The following GLRX5 variants were observed in gnomAD, a reference collection of about 807,000 sequenced individuals.
GLRX5 encodes glutaredoxin 5.
GLRX5 carries 10 observed loss-of-function variants against 13.8 expected under a neutral mutation model. That is an observed-to-expected ratio of 0.72 (90% confidence interval 0.45 to 1.23). GLRX5 has a LOEUF of 1.23. Among genes scored for constraint, GLRX5 ranks in the 50% most tolerant of loss-of-function variants. The probability of loss-of-function intolerance (pLI) is 0.00; values close to 1 mark genes in which losing one functional copy is unlikely to be tolerated. For synonymous variants in GLRX5, 98 were observed against 101.1 expected (o/e 0.97, Z 0.18); for missense variants, 233 against 215.2 (o/e 1.08, Z -0.52).
rs760533176 is a variant in GLRX5, at chr14:95,535,302, C to T, written c.213C>T (p.Asn71=). The part of the protein sequence containing the change: ...TPEQPQCGFS[N]AVVQILRLHG... ...AGCAGCCCCAGTGCGGCTTCAGCAA[C>T]GCCGTGGTGCAGATCCTGCGGCTGC... is the stretch of plus-strand genomic sequence containing the variant. The change falls in exon 1 of 2, where the codon AAC becomes AAT. Residue 71 remains asparagine (N), a synonymous_variant. Coordinates refer to ENST00000331334, the MANE Select transcript of GLRX5 (RefSeq NM_016417.3). 1.3e-5 allele frequency: 21 copies of T among 1,561,208 alleles called. No homozygotes were observed. The highest frequency in any genetic ancestry group is 1.8e-5 in the Non-Finnish European group (21 of 1,153,230).
chr14:95,544,454 T>G lies in GLRX5; in HGVS notation c.*329T>G, dbSNP rs957054149. ...TTGGAATCATTATTCATGACCCCTC[T>G]GCAAATGTGTCAGTCTCCAAAGAGA... On this transcript the variant is annotated 3_prime_UTR_variant, in exon 2 of 2. Coordinates refer to ENST00000331334, the MANE Select transcript of GLRX5 (RefSeq NM_016417.3). 1.5e-5 allele frequency: 4 copies of G among 275,016 alleles called. No individual in the cohort carries two copies. The highest frequency in any genetic ancestry group is 2.8e-5 in the Non-Finnish European group (4 of 141,996). 17.0% of individuals were successfully genotyped at this position (275,016 alleles called of 1,614,324 possible).
intron 1 of GLRX5, 23 bp downstream of exon 1, chr14:95,535,407 G>T (rs1308209908): frequency 7.8e-6 from 12 of 1,541,446 alleles, no homozygotes; most frequent in Non-Finnish European, 8.7e-6. Context: ...TGCCGGGCAG[G>T]CGCCCTCCGC....
chr14:95,542,093 T>C (rs746979271), intron 1 of GLRX5, among the ~76,000 whole-genome samples: 2 of 152,242 alleles, frequency 1.3e-5, no homozygotes, highest in Non-Finnish European at 2.9e-5. Context: ...AAAAGTTTTG[T>C]AATCGGCATC....
rs766152520 is a variant in GLRX5 at position 95,535,305 on chromosome 14, C to G, written c.216C>G (p.Ala72=). The G allele has an allele frequency of 1.3e-6, 2 of 1,560,644 alleles. No individual in the cohort carries two copies. The highest frequency in any genetic ancestry group is 1.9e-5 in the Admixed American group (1 of 51,398). ...AGCCCCAGTGCGGCTTCAGCAACGC[C>G]GTGGTGCAGATCCTGCGGCTGCACG... ...PEQPQCGFSN[A]VVQILRLHGV... The change falls in exon 1 of 2, where the codon GCC becomes GCG. Residue 72 remains alanine, a synonymous_variant. Transcript: ENST00000331334.
At position 95,535,135 on chromosome 14, in the gene GLRX5, G is replaced by T; in HGVS notation, c.46G>T (p.Gly16Trp). The change falls in exon 1 of 2, where the codon GGG (glycine) becomes TGG (tryptophan). Residue 16 changes from glycine (G) to tryptophan (W), a missense_variant. Transcript: ENST00000331334. The stretch of plus-strand genomic sequence containing the variant: ...AGCTGCGGCGGCTCTGCTCCGCTGG[G>T]GGCGCGGCGCGGGCGGCGGTGGCCT... ...GRAAAALLRWGRGAGGGGLWG... is the reference protein window; with the variant it reads ...GRAAAALLRWWRGAGGGGLWG... The T allele has an allele frequency of 8.1e-7, 1 of 1,241,392 alleles. No individual in the cohort carries two copies. Among genetic ancestry groups the T allele is most frequent in the South Asian group, 2.8e-5 (1 of 35,424 alleles). 76.9% of individuals were successfully genotyped at this position (1,241,392 alleles called of 1,614,324 possible). A position where few individuals can be genotyped will look rare whatever the true frequency, so the allele number is the denominator to read the frequency against.
intron 1 of GLRX5, among the ~76,000 whole-genome samples, chr14:95,541,923 C>A (rs1013351557): frequency 6.6e-6 from 1 of 152,134 alleles, no homozygotes; most frequent in African/African-American, 2.4e-5. Context: ...GAAAGCTTCA[C>A]ACAATATATT....
In GLRX5 at chr14:95,535,109, G is replaced by C. The variant is rs1388603479; in HGVS notation, c.20G>C (p.Arg7Pro). MSGSLG[R>P]AAAALLRWGR... ...GCGGAGATGAGCGGGTCCCTCGGCC[G>C]AGCTGCGGCGGCTCTGCTCCGCTGG... The change falls in exon 1 of 2, where the codon CGA becomes CCA. Residue 7 changes from arginine (R) to proline (P), a missense_variant. Transcript: ENST00000331334. 3.0e-6 allele frequency: 4 copies of C among 1,312,492 alleles called. No homozygotes were observed. The African/African-American group carries it at 4.6e-5, about 15-fold the overall frequency. The allele number at this position is 1,312,492 out of a possible 1,614,324, so 81.3% of individuals were successfully genotyped here.
intron 1 of GLRX5, among the ~76,000 whole-genome samples, chr14:95,538,129 T>C (rs543606709): frequency 7.2e-5 from 11 of 152,282 alleles, no homozygotes; most frequent in Admixed American, 3.3e-4. Context: ...GAGACCATGC[T>C]TGTCTATACA....
At chr14:95,541,399 T>A (rs2139650547) in intron 1 of GLRX5, among the ~76,000 whole-genome samples, 1 of 152,364 alleles carries the variant, frequency 6.6e-6, no homozygotes, top group South Asian at 2.1e-4. Context: ...TAATCAACTT[T>A]CTTAAAAATG....
At chr14:95,541,317 T>C (rs1566704601) in intron 1 of GLRX5, among the ~76,000 whole-genome samples, 1 of 152,216 alleles carries the variant, frequency 6.6e-6, no homozygotes, top group Non-Finnish European at 1.5e-5. Context: ...GAGTAGTCTT[T>C]TATTATTATT....
At chr14:95,543,300 G>A in intron 1 of GLRX5, 1 of 376,582 alleles carries the variant, frequency 2.7e-6, no homozygotes, top group Non-Finnish European at 5.4e-6. Flanking sequence ...CATAGCTGTG[G>A]GACAGGGATT....
At chr14:95,538,009 T>C (rs4905335) in intron 1 of GLRX5, among the ~76,000 whole-genome samples, 129,101 of 152,210 alleles carry the variant, frequency 0.85, 55,559 homozygotes, top group Non-Finnish European at 0.93. Context: ...ATGGAAGCAA[T>C]GTAGAAAACA....
rs751331654 is a variant in GLRX5, at chr14:95,544,368, A to G, written c.*243A>G. On this transcript the variant is annotated 3_prime_UTR_variant, in exon 2 of 2. Coordinates refer to ENST00000331334, the MANE Select transcript of GLRX5 (RefSeq NM_016417.3). ...ATGCTGTATTATGATATTGCTGTAA[A>G]CAAAATTCATTCTTATATTGTCACT... 3.4e-5 allele frequency: 18 copies of G among 536,262 alleles called. No individual in the cohort carries two copies. The highest frequency in any genetic ancestry group is 5.3e-5 in the Non-Finnish European group (16 of 299,126). The allele number at this position is 536,262 out of a possible 1,614,324, so 33.2% of individuals were successfully genotyped here.
At chr14:95,535,534 T>C in intron 1 of GLRX5, 150 bp downstream of exon 1, 1 of 728,548 alleles carries the variant, frequency 1.4e-6, no homozygotes, top group South Asian at 1.7e-5. Flanking sequence ...GGGCGAGGAG[T>C]ACTGCCCTGG....
chr14:95,543,263 T>C (rs778796041), intron 1 of GLRX5: 1 of 447,906 alleles, frequency 2.2e-6, no homozygotes, highest in South Asian at 1.6e-5. Flanking sequence ...CCCATCACAG[T>C]GGCTGGATAG....
chr14:95,539,892 TA>T (rs756227847), intron 1 of GLRX5, among the ~76,000 whole-genome samples: 74 of 49,056 alleles, frequency 1.5e-3, no homozygotes, highest in African/African-American at 4.9e-3. Flanking sequence ...GGTATATATA[TA>T]TATATTTTTT....
chr14:95,543,331 T>C (rs1891502879), intron 1 of GLRX5: 1 of 258,602 alleles, frequency 3.9e-6, no homozygotes, highest in Non-Finnish European at 7.2e-6. Flanking sequence ...TAAAAGTAAT[T>C]GTTAAAAATT....
Position 95,535,134 on chromosome 14 carries a change from G to C in GLRX5, c.45G>C (p.Trp15Cys). The C allele has an allele frequency of 8.1e-7, 1 of 1,240,488 alleles. No homozygotes were observed. Among genetic ancestry groups the C allele is most frequent in the Admixed American group, 4.1e-5 (1 of 24,320 alleles). The allele number at this position is 1,240,488 out of a possible 1,614,324, so 76.8% of individuals were successfully genotyped here. A position where few individuals can be genotyped will look rare whatever the true frequency, so the allele number is the denominator to read the frequency against. The change falls in exon 1 of 2, where the codon TGG (tryptophan) becomes TGC (cysteine). Residue 15 changes from tryptophan to cysteine, a missense_variant. Trp to Cys is a radical substitution (Grantham distance 215, BLOSUM62 -2). Transcript: ENST00000331334. Reference protein sequence around the residue: ...LGRAAAALLRWGRGAGGGGLW... With the variant: ...LGRAAAALLRCGRGAGGGGLW... ...GAGCTGCGGCGGCTCTGCTCCGCTGGGGGCGCGGCGCGGGCGGCGGTGGCC... is the reference window on the plus strand; with the variant it reads ...GAGCTGCGGCGGCTCTGCTCCGCTGCGGGCGCGGCGCGGGCGGCGGTGGCC...
In GLRX5 at chr14:95,544,121, A is replaced by G. The variant is rs764091761; in HGVS notation, c.470A>G (p.Lys157Arg). The G allele has an allele frequency of 4.3e-6, 7 of 1,613,752 alleles. No individual in the cohort carries two copies. In the East Asian group the frequency reaches 1.3e-4, roughly 31 times the overall value. ...GATGAAAAGAAAGACCAAGACTCCA[A>G]GTGAGGGCGGCCAAGTCCTCGCTGA... ...LLDEKKDQDS[K>R] Residue 157 changes from lysine (K) to arginine (R), a missense_variant, in exon 2 of 2, where the codon AAG becomes AGG. By Grantham distance (26) the Lys-to-Arg change is conservative. Coordinates refer to ENST00000331334, the MANE Select transcript of GLRX5 (RefSeq NM_016417.3).
Sources: allele counts gnomAD v4.1 joint callset (sites outside exome capture counted in the v4.1 genomes callset), GRCh38; gene constraint gnomAD v4.1.1; transcripts MANE v1.5; gene names NCBI Gene and HGNC (gene_info 2026-07-23, HGNC 2026-07-21).